Variants in ARFGAP3 observed in about 807,000 individuals in gnomAD.
The protein encoded by ARFGAP3 is ARF GTPase activating protein 3.
In ARFGAP3, 72 loss-of-function variants were observed where a neutral mutation model predicts 75.0. The observed-to-expected ratio is 0.96, with a 90% CI of 0.79 to 1.17. The LOEUF (loss-of-function observed/expected upper bound fraction) is 1.17. ARFGAP3 is among the 50% of genes most tolerant of loss of function. ARFGAP3 has a pLI of 0.00. For missense variants in ARFGAP3, 620 were observed against 626.6 expected (o/e 0.99, Z 0.11); for synonymous variants, 221 against 217.9 (o/e 1.01, Z -0.13).
intron 1 of ARFGAP3, among the ~76,000 whole-genome samples, chr22:42,854,831 G>C (rs765647525): frequency 6.6e-6 from 1 of 152,026 alleles, no homozygotes; most frequent in Non-Finnish European, 1.5e-5. Context: ...TGTTATCTTC[G>C]TTTAGGTAAG....
chr22:42,838,653 A>C (rs1366214253), intron 3 of ARFGAP3, among the ~76,000 whole-genome samples: 1 of 149,746 alleles, frequency 6.7e-6, no homozygotes, highest in Non-Finnish European at 1.5e-5. Context: ...GCATATAAGA[A>C]ACGCCTAAAG....
chr22:42,841,927 A>G (rs1024165867), intron 2 of ARFGAP3, among the ~76,000 whole-genome samples: 5 of 147,476 alleles, frequency 3.4e-5, no homozygotes, highest in South Asian at 2.1e-4. Flanking sequence ...TGGTGTGATC[A>G]CAGCTCATTG....
chr22:42,845,734 C>T (rs929177323), intron 2 of ARFGAP3, among the ~76,000 whole-genome samples: 1 of 152,030 alleles, frequency 6.6e-6, no homozygotes, highest in African/African-American at 2.4e-5. Flanking sequence ...AACTATAAAA[C>T]TCTTAGAAGA....
chr22:42,850,558 G>A (rs1218925422), intron 1 of ARFGAP3, among the ~76,000 whole-genome samples: 1 of 110,804 alleles, frequency 9.0e-6, no homozygotes, highest in East Asian at 2.8e-4. Context: ...CAGCAACAGT[G>A]AGACCCTGCT....
intron 2 of ARFGAP3, among the ~76,000 whole-genome samples, chr22:42,844,402 T>A (rs1389730975): frequency 2.6e-5 from 4 of 151,874 alleles, no homozygotes; most frequent in Non-Finnish European, 5.9e-5. Flanking sequence ...CTGGCCAACA[T>A]GGTGAAACCC....
chr22:42,799,126 G>C lies in ARFGAP3; in HGVS notation c.1446C>G (p.Ala482=). Residue 482 remains alanine, a synonymous_variant, in exon 15 of 16, where the codon GCC becomes GCG. Transcript: ENST00000263245. ...CCTGCTTGAACTGCGCCATGTCGGG[G>C]GCGTTGGGCAGCACACTGGACAGGC... ...NYSLSSVLPN[A]PDMAQFKQGV... is the part of the protein sequence containing the mutation. The C allele has an allele frequency of 1.2e-6, 2 of 1,614,158 alleles. No homozygotes were observed. The highest frequency in any genetic ancestry group is 1.7e-6 in the Non-Finnish European group (2 of 1,180,036).
intron 1 of ARFGAP3, chr22:42,853,608 T>C (rs1001103081): frequency 6.7e-5 from 12 of 178,224 alleles, no homozygotes; most frequent in Non-Finnish European, 2.4e-5. Context: ...CTTGGTGAGT[T>C]TGAGACAGTG....
In ARFGAP3 at chr22:42,857,115, T is replaced by C. The variant is rs1602142015; in HGVS notation, c.68A>G (p.Lys23Arg). ...FKRLRSVPTN[K>R]VCFDCGAKNP... ...CCCGCACTCGCCCGCGGCCGCTACC[T>C]TGTTAGTGGGCACCGAGCGGAGGCG... The change falls in exon 1 of 16, where the codon AAG becomes AGG. Residue 23 changes from lysine to arginine, a missense_variant and splice_region_variant. Lys to Arg is a conservative substitution (Grantham distance 26, BLOSUM62 2). Coordinates refer to ENST00000263245, the MANE Select transcript of ARFGAP3 (RefSeq NM_014570.5). The C allele has an allele frequency of 6.6e-7, 1 of 1,511,314 alleles. No individual in the cohort carries two copies. Among genetic ancestry groups the C allele is most frequent in the Non-Finnish European group, 8.9e-7 (1 of 1,128,296 alleles). 93.6% of individuals were successfully genotyped at this position (1,511,314 alleles called of 1,614,324 possible).
intron 9 of ARFGAP3, among the ~76,000 whole-genome samples, chr22:42,821,904 A>AT (rs944137622): frequency 2.0e-5 from 3 of 152,066 alleles, no homozygotes; most frequent in Non-Finnish European, 2.9e-5. Flanking sequence ...CCTGTTACTG[A>AT]TTTTTTTATT....
intron 1 of ARFGAP3, among the ~76,000 whole-genome samples, chr22:42,856,324 G>C (rs1381655064): frequency 1.3e-5 from 2 of 152,174 alleles, no homozygotes; most frequent in East Asian, 1.9e-4. Flanking sequence ...GTGGGAACCA[G>C]ACAACACTCG....
intron 14 of ARFGAP3, among the ~76,000 whole-genome samples, chr22:42,804,376 A>ATT (rs1169858932): frequency 0.053 from 3,921 of 74,426 alleles, 222 homozygotes; most frequent in African/African-American, 0.072. Flanking sequence ...CACCCAGCTA[A>ATT]TTTTTTTTTT....
intron 3 of ARFGAP3, 136 bp from the exon 4 acceptor site, chr22:42,835,629 G>T (rs550420168): frequency 3.4e-5 from 30 of 892,174 alleles, no homozygotes; most frequent in Non-Finnish European, 4.9e-5. Flanking sequence ...GTACCATCCT[G>T]GCTAACACGG....
chr22:42,822,269 C>T lies in ARFGAP3; in HGVS notation c.812+1G>A. The T allele has an allele frequency of 6.2e-7, 1 of 1,603,828 alleles. No homozygotes were observed. The highest frequency in any genetic ancestry group is 1.3e-5 in the African/African-American group (1 of 74,344). On this transcript the variant is annotated splice_donor_variant, in intron 9 of 15. Transcript: ENST00000263245. LOFTEE classifies it high-confidence loss of function. ...TATTAATATAATGAAATTAAACTTA[C>T]ATTGATTCTTCTTTAGATACCACCT...
chr22:42,856,114 C>G (rs1391646061), intron 1 of ARFGAP3, among the ~76,000 whole-genome samples: 1 of 152,110 alleles, frequency 6.6e-6, no homozygotes, highest in African/African-American at 2.4e-5. Context: ...ATTCCTGGAG[C>G]CTTTCTCTTA....
At chr22:42,823,588 G>A in intron 8 of ARFGAP3, 68 bp downstream of exon 8, 1 of 1,156,808 alleles carries the variant, frequency 8.6e-7, no homozygotes. Flanking sequence ...AAACTAAAAT[G>A]ACGAAGCGGC....
intron 14 of ARFGAP3, among the ~76,000 whole-genome samples, chr22:42,802,651 G>C (rs1924926035): frequency 7.1e-6 from 1 of 141,180 alleles, no homozygotes; most frequent in Non-Finnish European, 1.5e-5. Context: ...GCCCAGGCTG[G>C]AGTGCAGTGG....
intron 14 of ARFGAP3, among the ~76,000 whole-genome samples, chr22:42,802,653 G>A (rs1322214751): frequency 7.0e-6 from 1 of 142,548 alleles, no homozygotes; most frequent in Non-Finnish European, 1.5e-5. Context: ...CCAGGCTGGA[G>A]TGCAGTGGTG....
At chr22:42,823,215 G>T (rs932449745) in intron 8 of ARFGAP3, among the ~76,000 whole-genome samples, 4 of 152,054 alleles carry the variant, frequency 2.6e-5, no homozygotes, top group African/African-American at 9.7e-5. Context: ...GCTCATATAA[G>T]TTAAGGAATG....
intron 14 of ARFGAP3, among the ~76,000 whole-genome samples, chr22:42,803,441 G>T (rs1348954693): frequency 6.6e-6 from 1 of 152,220 alleles, no homozygotes; most frequent in African/African-American, 2.4e-5. Flanking sequence ...GCAGGTGTCT[G>T]CACTCCCATG....
Sources: allele counts gnomAD v4.1 joint callset (sites outside exome capture counted in the v4.1 genomes callset), GRCh38; gene constraint gnomAD v4.1.1; transcripts MANE v1.5; gene names NCBI Gene and HGNC (gene_info 2026-07-23, HGNC 2026-07-21).